The following GPHN variants were observed in gnomAD, a reference collection of about 807,000 sequenced individuals.
The protein encoded by GPHN is gephyrin.
In GPHN, 17 loss-of-function variants were observed where a neutral mutation model predicts 95.5. That is an observed-to-expected ratio of 0.18 (90% confidence interval 0.12 to 0.27). GPHN has a LOEUF of 0.27. Among genes scored for constraint, GPHN ranks in the 10% least tolerant of loss-of-function variants. GPHN has a pLI of 1.00. For missense variants in GPHN, 660 were observed against 978.1 expected (o/e 0.67, Z 4.34); for synonymous variants, 320 against 322.5 (o/e 0.99, Z 0.08).
At chr14:66,555,231 A>G (rs1278348560) in intron 1 of GPHN, among the ~76,000 whole-genome samples, 1 of 152,214 alleles carries the variant, frequency 6.6e-6, no homozygotes, top group East Asian at 1.9e-4. Flanking sequence ...TGCATATGGT[A>G]TATATATAAC....
chr14:66,610,471 A>T (rs570090110), intron 1 of GPHN, among the ~76,000 whole-genome samples: 1 of 151,892 alleles, frequency 6.6e-6, no homozygotes, highest in East Asian at 1.9e-4. Flanking sequence ...TGTTCAAAGT[A>T]TGTTTGTTTA....
rs149283784 is a variant in GPHN, at chr14:66,813,548, G to A, written c.202-10926G>A. On this transcript the variant is annotated intron_variant, in intron 3 of 22. Coordinates refer to ENST00000478722, the MANE Select transcript of GPHN (RefSeq NM_020806.5). ...ACCATGGGCCTCTGGAACCCCAGCAGGAGGGGACCCCTCAACCACCACAGA... is the reference window on the plus strand; with the variant it reads ...ACCATGGGCCTCTGGAACCCCAGCAAGAGGGGACCCCTCAACCACCACAGA... Among the ~76,000 whole-genome samples the A allele has an allele frequency of 7.3e-3, 1,110 of 152,336 alleles. 2 individuals carry two copies. Among genetic ancestry groups the A allele is most frequent in the Non-Finnish European group, 0.013 (872 of 68,034 alleles).
At chr14:66,969,028 T>C (rs1269632068) in intron 9 of GPHN, 1 of 152,172 alleles carries the variant, frequency 6.6e-6, no homozygotes, top group Non-Finnish European at 1.5e-5. Context: ...TCTTTTTGTT[T>C]TTTTTGGTAC....
chr14:66,624,920 C>T (rs2063460918), intron 1 of GPHN, among the ~76,000 whole-genome samples: 1 of 152,172 alleles, frequency 6.6e-6, no homozygotes, highest in Non-Finnish European at 1.5e-5. Context: ...AGAGACACCC[C>T]TCCATGGAGA....
chr14:66,650,380 A>G (rs2064986379), intron 1 of GPHN, among the ~76,000 whole-genome samples: 2 of 152,222 alleles, frequency 1.3e-5, no homozygotes, highest in African/African-American at 2.4e-5. Flanking sequence ...CACTGAGACC[A>G]TCATTCTTAG....
At chr14:67,214,308 T>G in the GPHN span, among the ~76,000 whole-genome samples, 1 of 152,344 alleles carries the variant, frequency 6.6e-6, no homozygotes. Context: ...GGTCTAACGT[T>G]TAAGTCTTTA....
the GPHN span, among the ~76,000 whole-genome samples, chr14:67,411,397 T>G: frequency 6.6e-6 from 1 of 152,052 alleles, no homozygotes; most frequent in Non-Finnish European, 1.5e-5. Context: ...AGTTTCCCCG[T>G]CTGTAATAGA....
chr14:67,121,161 C>T (rs8012776), intron 16 of GPHN, among the ~76,000 whole-genome samples: 50,205 of 151,850 alleles, frequency 0.33, 13,344 homozygotes, highest in African/African-American at 0.72. Context: ...GTAAGTACTT[C>T]TTTTTTTACT....
the GPHN span, among the ~76,000 whole-genome samples, chr14:67,673,067 A>G: frequency 6.6e-6 from 1 of 152,202 alleles, no homozygotes; most frequent in South Asian, 2.1e-4. Context: ...CCATCTCCTC[A>G]GAGAGGACTT....
the GPHN span, among the ~76,000 whole-genome samples, chr14:67,219,501 C>G: frequency 6.6e-6 from 1 of 152,190 alleles, no homozygotes; most frequent in African/African-American, 2.4e-5. Flanking sequence ...ACAGGTGTCT[C>G]TAGTCAGCCA....
the GPHN span, among the ~76,000 whole-genome samples, chr14:67,636,222 GGTCACAGCA>G: frequency 6.6e-6 from 1 of 151,780 alleles, no homozygotes; most frequent in South Asian, 2.1e-4. Context: ...TAGCAACAGG[GGTCACAGCA>G]GTAGGGAGAA....
chr14:66,952,188 A>G (rs1052257497), intron 8 of GPHN, among the ~76,000 whole-genome samples: 1 of 152,174 alleles, frequency 6.6e-6, no homozygotes, highest in South Asian at 2.1e-4. Context: ...TAAACAGTCT[A>G]TTCTCCATTC....
At chr14:67,138,623 C>T (rs946597830) in intron 17 of GPHN, among the ~76,000 whole-genome samples, 2 of 151,800 alleles carry the variant, frequency 1.3e-5, no homozygotes, top group South Asian at 2.1e-4. Flanking sequence ...CAAATCTGAG[C>T]GATGGATACA....
At chr14:67,428,873 GA>G in the GPHN span, among the ~76,000 whole-genome samples, 91 of 152,322 alleles carry the variant, frequency 6.0e-4, no homozygotes, top group Non-Finnish European at 1.2e-3. Flanking sequence ...CGTTGGTTTG[GA>G]GGAGCCAGGT....
chr14:66,646,087 T>G (rs2064728345), intron 1 of GPHN, among the ~76,000 whole-genome samples: 1 of 151,988 alleles, frequency 6.6e-6, no homozygotes, highest in South Asian at 2.1e-4. Flanking sequence ...TTACAAAAGA[T>G]TAAAAAGAAT....
At chr14:67,053,526 C>T (rs981111697) in intron 10 of GPHN, among the ~76,000 whole-genome samples, 3 of 152,116 alleles carry the variant, frequency 2.0e-5, no homozygotes, top group Non-Finnish European at 4.4e-5. Context: ...CCGAATTCTA[C>T]GAGAGGTACA....
chr14:67,057,622 A>G (rs72715314), intron 10 of GPHN, among the ~76,000 whole-genome samples: 3,701 of 152,262 alleles, frequency 0.024, 70 homozygotes, highest in Non-Finnish European at 0.036. Flanking sequence ...ATAAAACTTA[A>G]CAGAACCATC....
chr14:67,446,403 C>T, the GPHN span, among the ~76,000 whole-genome samples: 5 of 152,130 alleles, frequency 3.3e-5, no homozygotes, highest in Non-Finnish European at 7.4e-5. Flanking sequence ...TCAGGGAAGC[C>T]AACAGCCTCC....
intron 9 of GPHN, among the ~76,000 whole-genome samples, chr14:66,987,404 C>T (rs926113049): frequency 3.9e-5 from 6 of 151,954 alleles, no homozygotes; most frequent in East Asian, 3.9e-4. Context: ...CAGTTATCTC[C>T]GAGTTCAACT....
Sources: gnomAD v4.1 joint callset for allele counts (sites outside exome capture counted in the v4.1 genomes callset) on GRCh38, gnomAD v4.1.1 for gene constraint, MANE v1.5 for transcripts, NCBI Gene and HGNC (gene_info 2026-07-23, HGNC 2026-07-21) for gene names.